Variants in CDK14 observed in about 807,000 individuals in gnomAD.
CDK14 encodes cyclin-dependent kinase 14.
A neutral mutation model predicts 60.7 loss-of-function variants in CDK14; 34 were observed. The observed-to-expected ratio is 0.56, with a 90% confidence interval of 0.43 to 0.75. The LOEUF is 0.75. CDK14 is among the 30% of genes least tolerant of loss of function. The probability of loss-of-function intolerance (pLI) is 0.00; values close to 1 mark genes in which losing one functional copy is unlikely to be tolerated. For synonymous variants in CDK14, 197 were observed against 203.7 expected, an observed-to-expected ratio of 0.97 and a Z score of 0.28; for missense variants, 482 against 564.1, an observed-to-expected ratio of 0.85 and a Z score of 1.47.
intron 2 of CDK14, among the ~76,000 whole-genome samples, chr7:90,678,376 T>C (rs1022103304): frequency 2.6e-5 from 4 of 152,146 alleles, no homozygotes; most frequent in Admixed American, 6.5e-5. Flanking sequence ...CATGAGAGAA[T>C]AAACCTGACC....
intron 11 of CDK14, among the ~76,000 whole-genome samples, chr7:91,061,316 G>T (rs2116118331): frequency 6.6e-6 from 1 of 152,186 alleles, no homozygotes; most frequent in African/African-American, 2.4e-5. Flanking sequence ...CTTTTTTCAA[G>T]GCTTTTAACT....
chr7:90,803,501 G>T (rs949416012), intron 5 of CDK14, among the ~76,000 whole-genome samples: 6 of 152,174 alleles, frequency 3.9e-5, no homozygotes, highest in Non-Finnish European at 5.9e-5. Context: ...TGAAGGTGGG[G>T]TTAGTCAGGG....
chr7:91,006,509 A>T (rs982844505), intron 10 of CDK14, among the ~76,000 whole-genome samples: 1 of 152,218 alleles, frequency 6.6e-6, no homozygotes, highest in African/African-American at 2.4e-5. Context: ...TTTTATTTTT[A>T]AAAATAATTT....
intron 6 of CDK14, among the ~76,000 whole-genome samples, chr7:90,871,060 G>T (rs1791356794): frequency 6.6e-6 from 1 of 152,108 alleles, no homozygotes; most frequent in Non-Finnish European, 1.5e-5. Flanking sequence ...AGAAAAGTCT[G>T]TCGGGGTGTG....
intron 10 of CDK14, among the ~76,000 whole-genome samples, chr7:91,023,957 G>A (rs1796500705): frequency 6.6e-6 from 1 of 152,036 alleles, no homozygotes; most frequent in Admixed American, 6.6e-5. Flanking sequence ...ATTTTTAGTG[G>A]AGACGGGGTT....
intron 11 of CDK14, among the ~76,000 whole-genome samples, chr7:91,054,812 G>T (rs1797504668): frequency 6.6e-6 from 1 of 152,198 alleles, no homozygotes; most frequent in Admixed American, 6.5e-5. Flanking sequence ...AACTTACCAT[G>T]CCTGTGAGCA....
intron 2 of CDK14, among the ~76,000 whole-genome samples, chr7:90,615,745 G>A (rs1265028854): frequency 6.6e-6 from 1 of 152,084 alleles, no homozygotes; most frequent in Non-Finnish European, 1.5e-5. Context: ...TATTTTAACG[G>A]ATTTTCAAAA....
intron 9 of CDK14, among the ~76,000 whole-genome samples, chr7:90,978,466 A>C (rs1795137616): frequency 6.6e-6 from 1 of 152,180 alleles, no homozygotes; most frequent in Non-Finnish European, 1.5e-5. Flanking sequence ...GAAACCCCTT[A>C]TGTTTATAAA....
chr7:90,992,084 G>A (rs1795556215), intron 10 of CDK14, among the ~76,000 whole-genome samples: 1 of 152,190 alleles, frequency 6.6e-6, no homozygotes, highest in African/African-American at 2.4e-5. Context: ...TTAGATGGAT[G>A]TTCTAATAAA....
At chr7:90,685,145 A>G (rs754844264) in intron 2 of CDK14, among the ~76,000 whole-genome samples, 3 of 152,078 alleles carry the variant, frequency 2.0e-5, no homozygotes, top group African/African-American at 4.8e-5. Context: ...TTATTTTAGC[A>G]TAAGGATTGA....
At chr7:90,822,658 A>G (rs1789589391) in intron 5 of CDK14, among the ~76,000 whole-genome samples, 1 of 152,174 alleles carries the variant, frequency 6.6e-6, no homozygotes, top group Admixed American at 6.6e-5. Context: ...TCTCCCCTTC[A>G]AAACTTAGGT....
intron 9 of CDK14, among the ~76,000 whole-genome samples, chr7:90,958,867 T>C (rs1012403): frequency 0.99 from 149,948 of 152,218 alleles, 73,897 homozygotes; most frequent in East Asian, 1. Flanking sequence ...AGTTGCTTGG[T>C]AGTTCAGTTA....
chr7:91,092,563 A>T (rs982023337), intron 12 of CDK14, among the ~76,000 whole-genome samples: 20 of 152,252 alleles, frequency 1.3e-4, no homozygotes, highest in African/African-American at 4.8e-4. Flanking sequence ...TGAACATGCG[A>T]ATTATCGCAG....
chr7:91,094,885 A>G (rs1414493650), intron 12 of CDK14, among the ~76,000 whole-genome samples: 3 of 152,204 alleles, frequency 2.0e-5, no homozygotes, highest in African/African-American at 7.2e-5. Flanking sequence ...ATAAACACCA[A>G]TACTGGTGAG....
chr7:90,640,087 C>G (rs909074598), intron 2 of CDK14, among the ~76,000 whole-genome samples: 3 of 152,162 alleles, frequency 2.0e-5, no homozygotes, highest in Non-Finnish European at 1.5e-5. Context: ...GAGGCAGTGC[C>G]TCGCCCTGCT....
At chr7:90,692,689 A>G (rs1224145530) in intron 2 of CDK14, 16 of 971,502 alleles carry the variant, frequency 1.6e-5, no homozygotes, top group Non-Finnish European at 2.0e-5. Context: ...CCCCAGGACT[A>G]GGGGAGGAAT....
intron 4 of CDK14, among the ~76,000 whole-genome samples, chr7:90,778,846 A>ACCTCCCTTCCTTCCTTCCTT (rs1554335029): frequency 7.8e-6 from 1 of 127,864 alleles, no homozygotes; most frequent in African/African-American, 3.1e-5. Flanking sequence ...AAATTGACCG[A>ACCTCCCTTCCTTCCTTCCTT]CCTTCCTTCC....
intron 2 of CDK14, among the ~76,000 whole-genome samples, chr7:90,715,932 T>C (rs1335426451): frequency 6.6e-6 from 1 of 151,860 alleles, no homozygotes; most frequent in African/African-American, 2.4e-5. Flanking sequence ...AAATGTTTTG[T>C]TGAGGGGTGG....
intron 2 of CDK14, among the ~76,000 whole-genome samples, chr7:90,614,562 C>A (rs7792285): frequency 0.32 from 49,064 of 151,768 alleles, 8,513 homozygotes; most frequent in Middle Eastern, 0.45. Context: ...TTTAAGTTTT[C>A]CTTCTTTCTT....
Sources: allele counts gnomAD v4.1 joint callset (sites outside exome capture counted in the v4.1 genomes callset), GRCh38; gene constraint gnomAD v4.1.1; transcripts MANE v1.5; gene names NCBI Gene and HGNC (gene_info 2026-07-23, HGNC 2026-07-21).